Variants in RABL6 observed in about 807,000 individuals in gnomAD.
The protein encoded by RABL6 is RAB, member RAS oncogene family like 6, also known as rab-like protein 6.
A neutral mutation model predicts 72.9 loss-of-function variants in RABL6; 28 were observed. The observed-to-expected ratio is 0.38, with a 90% confidence interval of 0.28 to 0.53. RABL6 has a LOEUF of 0.53. Ranked by LOEUF, RABL6 falls within the 20% of genes least tolerant of loss-of-function variation. The pLI is 0.80. For synonymous variants in RABL6, 477 were observed against 421.2 expected, an observed-to-expected ratio of 1.13 and a Z score of -1.62; for missense variants, 1,029 against 1,008.4, an observed-to-expected ratio of 1.02 and a Z score of -0.28.
At chr9:136,828,660 C>T (rs572843406) in intron 4 of RABL6, 114 bp downstream of exon 4, 46 of 1,145,134 alleles carry the variant, frequency 4.0e-5, no homozygotes, top group Admixed American at 1.3e-4. Context: ...GCTGTGGCCA[C>T]GGGGGCCGCT....
At chr9:136,834,782 A>G (rs1848555494) in intron 7 of RABL6, among the ~76,000 whole-genome samples, 1 of 151,880 alleles carries the variant, frequency 6.6e-6, no homozygotes, top group African/African-American at 2.4e-5. Context: ...CCAGCCTCAC[A>G]TTTTTATTTT....
chr9:136,836,265 C>G (rs373318016), intron 8 of RABL6: 2 of 172,498 alleles, frequency 1.2e-5, no homozygotes, highest in Admixed American at 5.8e-5. Flanking sequence ...CTCTGGTCCT[C>G]GATAGCAGAG....
intron 7 of RABL6, 157 bp downstream of exon 7, chr9:136,832,527 G>T (rs1848499331): frequency 4.1e-6 from 3 of 734,974 alleles, no homozygotes; most frequent in Non-Finnish European, 4.9e-6. Flanking sequence ...TACTGCACCT[G>T]CCTGCTCTGG....
chr9:136,812,655 A>G (rs182481817), intron 1 of RABL6: 95 of 173,898 alleles, frequency 5.5e-4, no homozygotes, highest in Admixed American at 1.4e-3. Flanking sequence ...CGAATTTCCA[A>G]GGAGACCACA....
intron 1 of RABL6, among the ~76,000 whole-genome samples, chr9:136,819,883 A>G (rs1848202793): frequency 6.6e-6 from 1 of 151,858 alleles, no homozygotes; most frequent in Non-Finnish European, 1.5e-5. Flanking sequence ...GGCAAAAAGC[A>G]AGACCCTGTC....
intron 7 of RABL6, chr9:136,832,886 A>G: frequency 3.1e-6 from 1 of 319,410 alleles, no homozygotes; most frequent in Non-Finnish European, 6.1e-6. Flanking sequence ...TTGTAGAAAC[A>G]AGGGCCAGGC....
chr9:136,813,565 CT>C, intron 1 of RABL6: 1 of 378,734 alleles, frequency 2.6e-6, no homozygotes. Context: ...TAAGCAGTCC[CT>C]TTACTCTTCC....
At chr9:136,834,223 T>TC (rs1848541733) in intron 7 of RABL6, 1 of 1,201,730 alleles carries the variant, frequency 8.3e-7, no homozygotes, top group Non-Finnish European at 1.0e-6. Flanking sequence ...AAAAATCAGT[T>TC]GTTTTTTTAA....
chr9:136,813,393 C>A, intron 1 of RABL6: 1 of 941,476 alleles, frequency 1.1e-6, no homozygotes, highest in Non-Finnish European at 1.6e-6. Context: ...GGAGAGGTTG[C>A]TTAAACCAGA....
At chr9:136,812,992 G>T in intron 1 of RABL6, 1 of 355,482 alleles carries the variant, frequency 2.8e-6, no homozygotes, top group Non-Finnish European at 5.5e-6. Context: ...ATCTTCCGCG[G>T]CCTCCTTGGC....
At chr9:136,817,710 A>G (rs1848149628) in intron 1 of RABL6, among the ~76,000 whole-genome samples, 1 of 152,182 alleles carries the variant, frequency 6.6e-6, no homozygotes, top group Admixed American at 6.5e-5. Flanking sequence ...TTAGAAATAA[A>G]TACTGAAGGT....
intron 10 of RABL6, 118 bp from the exon 11 acceptor site, chr9:136,838,791 T>TG (rs1319950832): frequency 3.4e-6 from 3 of 880,164 alleles, no homozygotes; most frequent in Non-Finnish European, 5.1e-6. Context: ...GCACCTGGGG[T>TG]GGGGTGGCCC....
chr9:136,825,868 T>C (rs777772993), intron 3 of RABL6, 42 bp downstream of exon 3: 3 of 1,583,548 alleles, frequency 1.9e-6, no homozygotes, highest in Non-Finnish European at 2.6e-6. Flanking sequence ...TCTGGGACTG[T>C]GTGCTCTGCG....
intron 5 of RABL6, among the ~76,000 whole-genome samples, chr9:136,829,893 G>T (rs1386626465): frequency 6.6e-6 from 1 of 152,252 alleles, no homozygotes; most frequent in East Asian, 1.9e-4. Context: ...AGCGAAATCA[G>T]CTAAGGGCAG....
chr9:136,822,036 A>G (rs1483958400), intron 1 of RABL6: 1 of 1,289,380 alleles, frequency 7.8e-7, no homozygotes, highest in Non-Finnish European at 1.0e-6. Context: ...TTCAGGGGAG[A>G]AGAAATGACT....
At position 136,826,224 on chromosome 9, in the gene RABL6, C is replaced by T. The variant is rs1848353645; in HGVS notation, c.313+398C>T. Among the ~76,000 whole-genome samples, 1 of 152,178 alleles carries T rather than the reference C, an allele frequency of 6.6e-6. No individual in the cohort carries two copies. The highest frequency in any genetic ancestry group is 1.9e-4 in the East Asian group (1 of 5,186). On this transcript the variant is annotated intron_variant, in intron 3 of 14. Transcript: ENST00000311502. This position sits in a 1 kb window ranked among gnomAD's most constrained non-coding sequence, Gnocchi z 4.9. ...CCCAGCTCCTGCGCTCCTGTCCCTG[C>T]CAGGGATCCCCAGCCACACAGACCT... is the stretch of plus-strand genomic sequence containing the variant.
At chr9:136,840,107 G>A (rs755393282) in intron 13 of RABL6, 47 bp from the exon 14 acceptor site, 4 of 1,611,904 alleles carry the variant, frequency 2.5e-6, no homozygotes, top group Non-Finnish European at 3.4e-6. Context: ...CCAGCTTGGG[G>A]TCCCCGTTGG....
At position 136,826,704 on chromosome 9, in the gene RABL6, G is replaced by A. The variant is rs1266711416; in HGVS notation, c.313+878G>A. 2.0e-5 allele frequency: 3 copies of A among 152,232 alleles called. No individual in the cohort carries two copies. Among genetic ancestry groups the A allele is most frequent in the Non-Finnish European group, 2.9e-5 (2 of 68,114 alleles). The allele number at this position is 152,232 out of a possible 1,614,324, so 9.4% of individuals were successfully genotyped here. A position where few individuals can be genotyped will look rare whatever the true frequency, so the allele number is the denominator to read the frequency against. ...ATGCTGTCTCTGCAGAGCTCTGCGT[G>A]GTCTCTGGTGTTAGAGAGGTGGCCA... On this transcript the variant is annotated intron_variant, in intron 3 of 14. Coordinates refer to ENST00000311502, the MANE Select transcript of RABL6 (RefSeq NM_024718.5). The surrounding 1 kb of genome is among the most constrained non-coding windows in gnomAD (Gnocchi z 4.9).
In RABL6 at chr9:136,825,560, C is replaced by G. The variant is rs142780156; in HGVS notation, c.266-219C>G. Among the ~76,000 whole-genome samples the G allele has an allele frequency of 3.4e-3, 520 of 152,220 alleles. 3 individuals carry two copies. The highest frequency in any genetic ancestry group is 0.012 in the African/African-American group (496 of 41,520). ...AGGATTGGGGCTGCGGAGGGAGATA[C>G]CGTGCATTCAGTTTGTCACTGAAGC... On this transcript the variant is annotated intron_variant, in intron 2 of 14. Transcript: ENST00000311502.
Sources: gnomAD v4.1 joint callset for allele counts (sites outside exome capture counted in the v4.1 genomes callset) on GRCh38, gnomAD v4.1.1 for gene constraint, Gnocchi (gnomAD v3.1) non-coding constraint, MANE v1.5 for transcripts, NCBI Gene and HGNC (gene_info 2026-07-23, HGNC 2026-07-21) for gene names.